Variants in GALNT17 observed in about 807,000 individuals in gnomAD.
The protein encoded by GALNT17 is UDP-GalNAc:polypeptide N-acetylgalactosaminyltransferase-like 3.
GALNT17 carries 29 observed loss-of-function variants against 63.7 expected under a neutral mutation model. The observed-to-expected ratio is 0.46, with a 90% CI of 0.34 to 0.62. The LOEUF is 0.62. GALNT17 is among the 20% of genes least tolerant of loss of function. The probability of loss-of-function intolerance (pLI) is 0.01; values close to 1 mark genes in which losing one functional copy is unlikely to be tolerated. For synonymous variants in GALNT17, 305 were observed against 318.3 expected (o/e 0.96, Z 0.45); for missense variants, 603 against 799.6 (o/e 0.75, Z 2.97).
intron 1 of GALNT17, among the ~76,000 whole-genome samples, chr7:71,168,663 T>G (rs1788489890): frequency 6.6e-6 from 1 of 151,650 alleles, no homozygotes. Flanking sequence ...AATACTATAG[T>G]CAAGCAAATT....
At chr7:71,305,451 C>T (rs1791272525) in intron 1 of GALNT17, among the ~76,000 whole-genome samples, 1 of 152,186 alleles carries the variant, frequency 6.6e-6, no homozygotes, top group East Asian at 1.9e-4. Flanking sequence ...TTTCTACCCC[C>T]TGGGATGGCA....
intron 3 of GALNT17, among the ~76,000 whole-genome samples, chr7:71,400,913 G>A (rs759893185): frequency 1.1e-4 from 17 of 152,128 alleles, no homozygotes; most frequent in Non-Finnish European, 2.2e-4. Flanking sequence ...AAGAATCACA[G>A]GTTTGGGAAG....
intron 1 of GALNT17, among the ~76,000 whole-genome samples, chr7:71,219,766 T>C (rs1036025336): frequency 1.3e-5 from 2 of 152,210 alleles, no homozygotes; most frequent in Non-Finnish European, 2.9e-5. Flanking sequence ...GGCTTTTATG[T>C]CTGTCCTCAT....
chr7:71,464,489 G>T (rs1232418023), intron 5 of GALNT17, among the ~76,000 whole-genome samples: 1 of 152,272 alleles, frequency 6.6e-6, no homozygotes, highest in African/African-American at 2.4e-5. Flanking sequence ...CAAGAGTGGG[G>T]TTGGGGAAAG....
chr7:71,342,527 A>G (rs559308140), intron 2 of GALNT17, among the ~76,000 whole-genome samples: 4 of 152,340 alleles, frequency 2.6e-5, no homozygotes, highest in South Asian at 2.1e-4. Context: ...AAGCAAAGCA[A>G]TTAATACAGA....
intron 5 of GALNT17, among the ~76,000 whole-genome samples, chr7:71,447,604 G>A (rs1787183032): frequency 6.6e-6 from 1 of 152,086 alleles, no homozygotes; most frequent in African/African-American, 2.4e-5. Context: ...CAGAATAGCT[G>A]AATGGAAGAA....
At chr7:71,435,756 A>C (rs1390969205) in intron 5 of GALNT17, among the ~76,000 whole-genome samples, 1 of 152,174 alleles carries the variant, frequency 6.6e-6, no homozygotes, top group African/African-American at 2.4e-5. Context: ...GCAATGGCTC[A>C]CGCCTGTAAT....
intron 1 of GALNT17, among the ~76,000 whole-genome samples, chr7:71,185,012 C>G (rs1372485593): frequency 7.7e-6 from 1 of 129,520 alleles, no homozygotes; most frequent in East Asian, 2.2e-4. Context: ...CCTTCCCTCC[C>G]TCCCTCCTTC....
chr7:71,207,204 A>AT (rs908101451), intron 1 of GALNT17, among the ~76,000 whole-genome samples: 2 of 151,510 alleles, frequency 1.3e-5, no homozygotes, highest in Non-Finnish European at 2.9e-5. Flanking sequence ...GAATTTTGCC[A>AT]TTGATCAATT....
At chr7:71,243,397 T>C (rs190774307) in intron 1 of GALNT17, among the ~76,000 whole-genome samples, 2 of 152,274 alleles carry the variant, frequency 1.3e-5, no homozygotes, top group African/African-American at 4.8e-5. Context: ...GACTAATACA[T>C]CTACTCTTCA....
At chr7:71,602,313 G>T (rs1789978136) in intron 6 of GALNT17, among the ~76,000 whole-genome samples, 1 of 152,078 alleles carries the variant, frequency 6.6e-6, no homozygotes, top group Admixed American at 6.6e-5. Flanking sequence ...TCTTTAGTCT[G>T]TGCTGAGGAA....
intron 6 of GALNT17, among the ~76,000 whole-genome samples, chr7:71,662,877 A>G (rs1790929904): frequency 6.6e-6 from 1 of 152,098 alleles, no homozygotes; most frequent in South Asian, 2.1e-4. Flanking sequence ...ATCCATTTTG[A>G]GTTAATTTTT....
At chr7:71,644,470 A>G (rs190729451) in intron 6 of GALNT17, among the ~76,000 whole-genome samples, 40 of 138,660 alleles carry the variant, frequency 2.9e-4, no homozygotes, top group African/African-American at 1.0e-3. Context: ...CCAAGGTTGC[A>G]GTGAGCCAAG....
At chr7:71,583,336 C>A (rs148948331) in intron 6 of GALNT17, among the ~76,000 whole-genome samples, 1 of 152,088 alleles carries the variant, frequency 6.6e-6, no homozygotes, top group Non-Finnish European at 1.5e-5. Context: ...CCTCATGATC[C>A]GCCCACCTCG....
chr7:71,343,703 C>T (rs112991344), intron 2 of GALNT17, among the ~76,000 whole-genome samples: 5,107 of 152,208 alleles, frequency 0.034, 245 homozygotes, highest in African/African-American at 0.096. Context: ...TTATATTTCA[C>T]CCTTCCTTCT....
At chr7:71,325,431 T>C (rs1242812100) in intron 1 of GALNT17, among the ~76,000 whole-genome samples, 1 of 152,200 alleles carries the variant, frequency 6.6e-6, no homozygotes, top group Non-Finnish European at 1.5e-5. Flanking sequence ...AGGAGCTTTA[T>C]GAGTTGACAA....
intron 5 of GALNT17, among the ~76,000 whole-genome samples, chr7:71,545,889 C>G (rs189819954): frequency 1.3e-5 from 2 of 152,280 alleles, no homozygotes; most frequent in Admixed American, 6.5e-5. Context: ...TTGCTCATCA[C>G]TCCTAGGTGT....
At chr7:71,360,771 A>T (rs1792383832) in intron 2 of GALNT17, among the ~76,000 whole-genome samples, 1 of 151,972 alleles carries the variant, frequency 6.6e-6, no homozygotes, top group Admixed American at 6.6e-5. Flanking sequence ...CGTCTCTACT[A>T]AAAAAAACCC....
rs559692512 is a variant in GALNT17, at chr7:71,325,567, C to T, written c.239-9983C>T. On this transcript the variant is annotated intron_variant, in intron 1 of 10. Coordinates refer to ENST00000333538, the MANE Select transcript of GALNT17 (RefSeq NM_022479.3). ...GTAAACCCATAAGTTTCCGCTGTAA[C>T]CCTGGAGAAAATCATGTCCTCATTT... Among the ~76,000 whole-genome samples, 26 of 152,266 alleles carry T rather than the reference C, an allele frequency of 1.7e-4. 1 individual carries two copies. The highest frequency in any genetic ancestry group is 6.3e-4 in the African/African-American group (26 of 41,544).
Sources: gnomAD v4.1 joint callset for allele counts (sites outside exome capture counted in the v4.1 genomes callset) on GRCh38, gnomAD v4.1.1 for gene constraint, MANE v1.5 for transcripts, NCBI Gene and HGNC (gene_info 2026-07-23, HGNC 2026-07-21) for gene names.